LARP4: variants seen among roughly 807,000 people sequenced by gnomAD.
The protein encoded by LARP4 is La ribonucleoprotein 4.
In LARP4, 29 loss-of-function variants were observed where a neutral mutation model predicts 92.9. That is an observed-to-expected ratio of 0.31 (90% confidence interval 0.23 to 0.43). The LOEUF is 0.43. LARP4 is among the 20% of genes least tolerant of loss of function. The probability of loss-of-function intolerance (pLI) is 1.00; values close to 1 mark genes in which losing one functional copy is unlikely to be tolerated. For missense variants in LARP4, 732 were observed against 860.0 expected, an observed-to-expected ratio of 0.85 and a Z score of 1.86; for synonymous variants, 279 against 284.1, an observed-to-expected ratio of 0.98 and a Z score of 0.18.
chr12:50,477,250 A>G lies in LARP4; in HGVS notation c.*1386A>G, dbSNP rs1156480618. On this transcript the variant is annotated 3_prime_UTR_variant, in exon 16 of 16. Transcript: ENST00000398473. ...TGTAGCTCTCATATACTAAATAGAC[A>G]AGTTTACATGCTGTTATTTAGAAAA... 3 of 152,400 alleles carry G rather than the reference A, an allele frequency of 2.0e-5. No individual in the cohort carries two copies. Among genetic ancestry groups the G allele is most frequent in the Non-Finnish European group, 4.4e-5 (3 of 68,004 alleles). 9.4% of individuals were successfully genotyped at this position (152,400 alleles called of 1,614,324 possible).
intron 8 of LARP4, among the ~76,000 whole-genome samples, chr12:50,446,723 G>A (rs558986291): frequency 3.2e-4 from 49 of 151,864 alleles, no homozygotes; most frequent in African/African-American, 9.7e-4. Flanking sequence ...CACCACACCC[G>A]GCCTAGTGGA....
chr12:50,437,519 T>C (rs907168967), intron 5 of LARP4, among the ~76,000 whole-genome samples: 9 of 152,200 alleles, frequency 5.9e-5, no homozygotes, highest in African/African-American at 1.2e-4. Flanking sequence ...CTGAATGTTT[T>C]TTCAATGAAT....
At chr12:50,406,864 G>C (rs974580508) in intron 1 of LARP4, among the ~76,000 whole-genome samples, 1 of 151,576 alleles carries the variant, frequency 6.6e-6, no homozygotes, top group Non-Finnish European at 1.5e-5. Flanking sequence ...GACTACAGAC[G>C]TACGCCACCA....
chr12:50,461,625 T>C (rs1463369663), intron 11 of LARP4: 1 of 347,076 alleles, frequency 2.9e-6, no homozygotes, highest in African/African-American at 2.2e-5. Context: ...AATTAACATA[T>C]CCATTTGCCT....
At chr12:50,407,698 A>G (rs1218499902) in intron 1 of LARP4, among the ~76,000 whole-genome samples, 1 of 152,092 alleles carries the variant, frequency 6.6e-6, no homozygotes, top group Non-Finnish European at 1.5e-5. Flanking sequence ...TAAAAATATT[A>G]TCTGGGCATG....
At chr12:50,456,565 C>T (rs759982846) in intron 10 of LARP4, among the ~76,000 whole-genome samples, 5 of 152,098 alleles carry the variant, frequency 3.3e-5, no homozygotes, top group African/African-American at 4.8e-5. Context: ...TTATATTAAC[C>T]TGTGACAGCC....
At chr12:50,401,461 T>A (rs1319631700) in intron 1 of LARP4, among the ~76,000 whole-genome samples, 1 of 152,096 alleles carries the variant, frequency 6.6e-6, no homozygotes, top group Non-Finnish European at 1.5e-5. Context: ...GGGCCACGGA[T>A]GGAGAAAGGT....
chr12:50,413,883 G>C (rs1267974927), intron 1 of LARP4, among the ~76,000 whole-genome samples: 1 of 152,148 alleles, frequency 6.6e-6, no homozygotes, highest in African/African-American at 2.4e-5. Context: ...CTGGTTTTAA[G>C]GATCTGGTAT....
intron 13 of LARP4, among the ~76,000 whole-genome samples, chr12:50,468,962 TTTACC>T (rs1389939698): frequency 6.6e-6 from 1 of 152,086 alleles, no homozygotes; most frequent in Non-Finnish European, 1.5e-5. Flanking sequence ...GGGCCTTCTC[TTTACC>T]GTCACCCTGG....
chr12:50,479,967 TAAC>T lies in LARP4; in HGVS notation c.*4106_*4108del, dbSNP rs1957779616. 1 of 152,412 alleles carries T rather than the reference TAAC, an allele frequency of 6.6e-6. No homozygotes were observed. The highest frequency in any genetic ancestry group is 2.4e-5 in the African/African-American group (1 of 41,438). 9.4% of individuals were successfully genotyped at this position (152,412 alleles called of 1,614,324 possible). A position where few individuals can be genotyped will look rare whatever the true frequency, so the allele number is the denominator to read the frequency against. On this transcript the variant is annotated 3_prime_UTR_variant, in exon 16 of 16. Transcript: ENST00000398473. ...ACATCGCCAAGGTGCTATGGGAAATTAACAAAATTAGAAAAAAAATAAAATTAT... is the reference window on the plus strand; with the variant it reads ...ACATCGCCAAGGTGCTATGGGAAATTAAAATTAGAAAAAAAATAAAATTAT...
In LARP4 at chr12:50,427,797, T is replaced by C. The variant is rs772708963; in HGVS notation, c.54T>C (p.Asn18=). 37 of 1,598,028 alleles carry C rather than the reference T, an allele frequency of 2.3e-5. No individual in the cohort carries two copies. Among genetic ancestry groups the C allele is most frequent in the Non-Finnish European group, 3.2e-5 (37 of 1,169,542 alleles). Residue 18 remains asparagine (N), a synonymous_variant, in exon 2 of 16, where the codon AAT becomes AAC. Coordinates refer to ENST00000398473, the MANE Select transcript of LARP4 (RefSeq NM_052879.5). ...VASKGTGLNP[N]AKVWQEIAPG... ...CTAAAGGAACTGGTTTAAATCCTAA[T>C]GCCAAAGTATGGCAAGAAATTGCTC... is the stretch of plus-strand genomic sequence containing the variant.
intron 8 of LARP4, among the ~76,000 whole-genome samples, chr12:50,452,341 C>T (rs1005686720): frequency 1.3e-5 from 2 of 152,020 alleles, no homozygotes; most frequent in African/African-American, 4.8e-5. Context: ...GCCACCATGC[C>T]CAGCTGATTT....
At chr12:50,456,114 T>G (rs1389419687) in intron 10 of LARP4, among the ~76,000 whole-genome samples, 1 of 152,162 alleles carries the variant, frequency 6.6e-6, no homozygotes, top group Non-Finnish European at 1.5e-5. Context: ...GTACTGATAT[T>G]TGCAGTTGCT....
At chr12:50,446,664 T>G (rs554470217) in intron 8 of LARP4, among the ~76,000 whole-genome samples, 191 of 150,802 alleles carry the variant, frequency 1.3e-3, no homozygotes, top group African/African-American at 4.5e-3. Flanking sequence ...CCTGACCTTG[T>G]GATCCGCCCG....
Position 50,454,318 on chromosome 12 carries a change from C to T in LARP4, c.1022C>T (p.Pro341Leu). The change falls in exon 10 of 16, where the codon CCC becomes CTC. Residue 341 changes from proline (P) to leucine (L), a missense_variant. This residue lies in a region of LARP4 where 264 missense variants were observed against 269.5 expected (regional missense o/e 0.98). Transcript: ENST00000398473. ...PTPYFETPLA[P>L]FPNGSFVNGF... ...TAAACATACATTTTTTTCTAGGCTCCCTTTCCCAATGGTAGTTTTGTGAAT... is the reference window on the plus strand; with the variant it reads ...TAAACATACATTTTTTTCTAGGCTCTCTTTCCCAATGGTAGTTTTGTGAAT... 1 of 1,609,706 alleles carries T rather than the reference C, an allele frequency of 6.2e-7. No individual in the cohort carries two copies. Among genetic ancestry groups the T allele is most frequent in the South Asian group, 1.1e-5 (1 of 90,160 alleles).
At chr12:50,427,994 T>TA in intron 2 of LARP4, 85 bp downstream of exon 2, 1 of 194,982 alleles carries the variant, frequency 5.1e-6, no homozygotes, top group East Asian at 1.5e-4. Context: ...GACACATCTC[T>TA]TTTTTTTTTT....
intron 1 of LARP4, chr12:50,421,336 A>G: frequency 1.0e-6 from 1 of 963,956 alleles, no homozygotes; most frequent in Non-Finnish European, 1.2e-6. Context: ...TTATGACTCA[A>G]AGCAGCATTT....
chr12:50,402,637 TCTC>T (rs1355103811), intron 1 of LARP4: 1 of 287,224 alleles, frequency 3.5e-6, no homozygotes, highest in East Asian at 1.1e-4. Flanking sequence ...AACTAGGTCT[TCTC>T]CTGTCTCTAA....
intron 1 of LARP4, among the ~76,000 whole-genome samples, chr12:50,403,113 T>A (rs912360919): frequency 1.3e-5 from 2 of 152,330 alleles, no homozygotes; most frequent in African/African-American, 4.8e-5. Context: ...CATTCAAGTG[T>A]AAATAATGTG....
Sources: allele counts gnomAD v4.1 joint callset (sites outside exome capture counted in the v4.1 genomes callset), GRCh38; gene constraint gnomAD v4.1.1; regional missense constraint gnomAD v4.1.1; transcripts MANE v1.5; gene names NCBI Gene and HGNC (gene_info 2026-07-23, HGNC 2026-07-21).